The following EYS variants were observed in gnomAD, a reference collection of about 807,000 sequenced individuals.
EYS encodes the protein protein eyes shut homolog.
EYS carries 250 observed loss-of-function variants against 282.1 expected under a neutral mutation model. The ratio of observed to expected loss-of-function variants is 0.89; its 90% CI spans 0.80 to 0.98. The LOEUF (loss-of-function observed/expected upper bound fraction) is 0.98. Among genes scored for constraint, EYS ranks in the 50% least tolerant of loss-of-function variants. The pLI is 0.00. For synonymous variants in EYS, 1,355 were observed against 1,282.9 expected (o/e 1.06, Z -1.20); for missense variants, 4,016 against 3,709.0 (o/e 1.08, Z -2.15).
At chr6:64,120,303 A>C (rs1454656951) in intron 31 of EYS, among the ~76,000 whole-genome samples, 11 of 141,968 alleles carry the variant, frequency 7.7e-5, no homozygotes. Context: ...TTGCAGTGAG[A>C]GGAGATCGCA....
At chr6:63,920,789 G>GT (rs1562096599) in intron 35 of EYS, among the ~76,000 whole-genome samples, 1 of 152,160 alleles carries the variant, frequency 6.6e-6, no homozygotes, top group Non-Finnish European at 1.5e-5. Flanking sequence ...AGGACAGGCC[G>GT]TGTGGCTGTG....
chr6:64,843,113 C>T (rs1205248050), intron 19 of EYS, among the ~76,000 whole-genome samples: 1 of 152,026 alleles, frequency 6.6e-6, no homozygotes, highest in Non-Finnish European at 1.5e-5. Flanking sequence ...GGACTTGGTA[C>T]CCTCTGTTCC....
At chr6:64,939,640 G>A (rs1769021675) in intron 15 of EYS, among the ~76,000 whole-genome samples, 1 of 151,420 alleles carries the variant, frequency 6.6e-6, no homozygotes, top group Non-Finnish European at 1.5e-5. Context: ...GAACCAATAG[G>A]TGGACAAACA....
intron 15 of EYS, among the ~76,000 whole-genome samples, chr6:64,942,539 T>A (rs1769123442): frequency 1.3e-5 from 2 of 148,430 alleles, no homozygotes; most frequent in South Asian, 4.3e-4. Flanking sequence ...AAGGTGACAT[T>A]ACAACTGATC....
chr6:63,735,394 C>G (rs1396328213), intron 41 of EYS, among the ~76,000 whole-genome samples: 1 of 152,016 alleles, frequency 6.6e-6, no homozygotes, highest in Non-Finnish European at 1.5e-5. Flanking sequence ...TCATCTCTTT[C>G]ACCCAGACTC....
intron 35 of EYS, among the ~76,000 whole-genome samples, chr6:63,912,731 T>TGAGAGAGTTCTCA (rs1399555767): frequency 2.0e-4 from 30 of 152,222 alleles, no homozygotes; most frequent in African/African-American, 7.0e-4. Context: ...CTGGTGTTAG[T>TGAGAGAGTTCTCA]GAGAGAGTTC....
intron 2 of EYS, among the ~76,000 whole-genome samples, chr6:65,509,034 AT>A (rs1418319750): frequency 6.6e-6 from 1 of 152,198 alleles, no homozygotes; most frequent in East Asian, 1.9e-4. Flanking sequence ...CATAAAGTGT[AT>A]TTTGTTAGAT....
intron 33 of EYS, among the ~76,000 whole-genome samples, chr6:64,046,488 A>G (rs1254516080): frequency 6.6e-6 from 1 of 151,910 alleles, no homozygotes; most frequent in Non-Finnish European, 1.5e-5. Flanking sequence ...ACCATCTTCT[A>G]CATCTTAACT....
intron 8 of EYS, among the ~76,000 whole-genome samples, chr6:65,369,843 C>T (rs12212970): frequency 0.13 from 19,503 of 151,528 alleles, 1,504 homozygotes; most frequent in East Asian, 0.27. Context: ...CACTTGGTTC[C>T]TTCAGGGATC....
At chr6:63,920,207 T>C (rs1055639607) in intron 35 of EYS, among the ~76,000 whole-genome samples, 1 of 152,176 alleles carries the variant, frequency 6.6e-6, no homozygotes, top group African/African-American at 2.4e-5. Context: ...ATGCAGTTTA[T>C]TGTCCTTTTC....
chr6:64,367,093 G>C (rs956494135), intron 29 of EYS, among the ~76,000 whole-genome samples: 6 of 152,022 alleles, frequency 3.9e-5, no homozygotes, highest in Admixed American at 2.6e-4. Context: ...ACCAAATTTA[G>C]CCTCATAATA....
intron 37 of EYS, among the ~76,000 whole-genome samples, chr6:63,790,087 G>C (rs936432133): frequency 6.6e-5 from 10 of 152,212 alleles, no homozygotes; most frequent in Non-Finnish European, 1.2e-4. Context: ...CTGAGGCAAA[G>C]ACTTCTGCTT....
intron 2 of EYS, among the ~76,000 whole-genome samples, chr6:65,554,682 G>C (rs957264144): frequency 2.0e-5 from 3 of 152,060 alleles, no homozygotes; most frequent in Non-Finnish European, 4.4e-5. Context: ...CAGTTGAATA[G>C]ATAAAGTCCT....
chr6:63,956,689 C>A (rs1765839474), intron 35 of EYS, among the ~76,000 whole-genome samples: 1 of 152,154 alleles, frequency 6.6e-6, no homozygotes, highest in Admixed American at 6.6e-5. Flanking sequence ...TTTAATCAAG[C>A]TAATTACCAT....
intron 18 of EYS, among the ~76,000 whole-genome samples, chr6:64,899,557 C>T (rs931285882): frequency 7.2e-5 from 11 of 152,018 alleles, no homozygotes; most frequent in Admixed American, 2.0e-4. Flanking sequence ...CACAAGCATT[C>T]CTATTATAAT....
chr6:65,682,336 A>G, intron 1 of EYS, among the ~76,000 whole-genome samples: 1 of 151,876 alleles, frequency 6.6e-6, no homozygotes, highest in East Asian at 1.9e-4. Flanking sequence ...AAAACATGGT[A>G]TTTATTATCC....
At chr6:64,123,783 ATACAAT>A (rs1484042661) in intron 31 of EYS, among the ~76,000 whole-genome samples, 1 of 152,200 alleles carries the variant, frequency 6.6e-6, no homozygotes, top group Non-Finnish European at 1.5e-5. Flanking sequence ...ATTAAAATTG[ATACAAT>A]TACATTACAG....
chr6:64,085,167 G>C (rs2149871616), intron 31 of EYS, among the ~76,000 whole-genome samples: 1 of 151,782 alleles, frequency 6.6e-6, no homozygotes, highest in South Asian at 2.1e-4. Flanking sequence ...TAGTAGTGAT[G>C]GGTTTTCGCT....
chr6:64,225,523 T>C (rs1307726773), intron 31 of EYS, among the ~76,000 whole-genome samples: 4 of 151,912 alleles, frequency 2.6e-5, no homozygotes, highest in Non-Finnish European at 5.9e-5. Flanking sequence ...ATGAGAAAAA[T>C]TAGACTTCCC....
Sources: gnomAD v4.1 joint callset for allele counts (sites outside exome capture counted in the v4.1 genomes callset) on GRCh38, gnomAD v4.1.1 for gene constraint, MANE v1.5 for transcripts, NCBI Gene and HGNC (gene_info 2026-07-23, HGNC 2026-07-21) for gene names.